CFAP61: variants seen among roughly 807,000 people sequenced by gnomAD.
CFAP61 encodes the protein cilia- and flagella-associated protein 61.
A neutral mutation model predicts 135.6 loss-of-function variants in CFAP61; 107 were observed. The observed-to-expected ratio is 0.79, with a 90% CI of 0.67 to 0.93. The LOEUF is 0.93. Ranked by LOEUF, CFAP61 falls within the 40% of genes least tolerant of loss-of-function variation. CFAP61 has a pLI of 0.00. For synonymous variants in CFAP61, 575 were observed against 578.5 expected (o/e 0.99, Z 0.09); for missense variants, 1,507 against 1,556.2 (o/e 0.97, Z 0.53).
intron 25 of CFAP61, among the ~76,000 whole-genome samples, chr20:20,327,206 C>A (rs1400860236): frequency 3.3e-5 from 5 of 151,986 alleles, no homozygotes; most frequent in African/African-American, 9.7e-5. Flanking sequence ...ATAACAGCAC[C>A]TTTTTTCTTT....
chr20:20,259,444 T>C (rs1418203150), intron 20 of CFAP61, among the ~76,000 whole-genome samples: 1 of 150,350 alleles, frequency 6.7e-6, no homozygotes, highest in Admixed American at 6.6e-5. Context: ...TTTTTTGTAT[T>C]TGTATTTGTA....
intron 18 of CFAP61, among the ~76,000 whole-genome samples, chr20:20,235,278 C>T (rs1484568183): frequency 1.3e-5 from 2 of 152,160 alleles, no homozygotes; most frequent in East Asian, 3.9e-4. Context: ...GACTCCCAAA[C>T]TCTCAGGAGC....
intron 8 of CFAP61, among the ~76,000 whole-genome samples, chr20:20,136,251 C>G (rs954864921): frequency 1.3e-5 from 2 of 151,884 alleles, no homozygotes; most frequent in Non-Finnish European, 2.9e-5. Flanking sequence ...GTTTATACTT[C>G]TTAGACTTGA....
intron 6 of CFAP61, among the ~76,000 whole-genome samples, chr20:20,077,826 A>T (rs923000829): frequency 2.4e-5 from 3 of 126,594 alleles, no homozygotes; most frequent in African/African-American, 1.7e-4. Context: ...GTGGAGACAG[A>T]GGTTCTTATT....
intron 17 of CFAP61, among the ~76,000 whole-genome samples, chr20:20,226,410 C>T (rs1281491184): frequency 1.3e-5 from 2 of 152,212 alleles, no homozygotes; most frequent in Admixed American, 6.5e-5. Flanking sequence ...CTAGATCAGC[C>T]TACTTCCAGC....
chr20:20,054,084 A>G (rs563952477), intron 1 of CFAP61, among the ~76,000 whole-genome samples: 7 of 140,898 alleles, frequency 5.0e-5, no homozygotes, highest in African/African-American at 1.6e-4. Flanking sequence ...GCTTTTGTAG[A>G]TATACCTTCA....
rs915517891 is a variant in CFAP61 at position 20,233,864 on chromosome 20, C to T, written c.2060+5488C>T. On this transcript the variant is annotated intron_variant, in intron 18 of 26. Coordinates refer to ENST00000245957, the MANE Select transcript of CFAP61 (RefSeq NM_015585.4). ...GCAATCCACTTTGAGCAACATTAGGCCTTTTCGACGGGGGAAGATCAGCTT... is the reference window on the plus strand; with the variant it reads ...GCAATCCACTTTGAGCAACATTAGGTCTTTTCGACGGGGGAAGATCAGCTT... Among the ~76,000 whole-genome samples, 6 of 152,162 alleles carry T rather than the reference C, an allele frequency of 3.9e-5. 1 individual carries two copies. The East Asian group carries it at 5.8e-4, about 15-fold the overall frequency.
At chr20:20,195,722 C>T (rs1041791393) in intron 15 of CFAP61, among the ~76,000 whole-genome samples, 4 of 152,172 alleles carry the variant, frequency 2.6e-5, no homozygotes, top group Admixed American at 2.6e-4. Flanking sequence ...TTAAGAAGTG[C>T]ACAGGGATAA....
At chr20:20,080,718 T>C (rs1464082110) in intron 6 of CFAP61, among the ~76,000 whole-genome samples, 1 of 152,192 alleles carries the variant, frequency 6.6e-6, no homozygotes, top group Non-Finnish European at 1.5e-5. Context: ...TAAAACTGTT[T>C]CCTGGCCGGG....
chr20:20,277,270 C>T lies in CFAP61; in HGVS notation c.2608C>T (p.Pro870Ser), dbSNP rs757505605. ...GSRIHLVQPP[P>S]ASTITCINNY... is the part of the protein sequence containing the mutation. ...CCGCATCCACCTCGTGCAGCCCCCG[C>T]CCGCCTCCACCATCACCTGCATCAA... is the stretch of plus-strand genomic sequence containing the variant. The change falls in exon 22 of 27, where the codon CCC becomes TCC. Residue 870 changes from proline (P) to serine (S), a missense_variant. Physicochemically the swap from Pro to Ser is moderately conservative, Grantham distance 74 (BLOSUM62 -1). Coordinates refer to ENST00000245957, the MANE Select transcript of CFAP61 (RefSeq NM_015585.4). 3.1e-6 allele frequency: 5 copies of T among 1,614,090 alleles called. No homozygotes were observed. Among genetic ancestry groups the T allele is most frequent in the Middle Eastern group, 1.6e-4 (1 of 6,062 alleles).
chr20:20,092,114 T>A (rs2047244426), intron 7 of CFAP61, among the ~76,000 whole-genome samples: 1 of 152,242 alleles, frequency 6.6e-6, no homozygotes, highest in Admixed American at 6.5e-5. Flanking sequence ...TCAGCCTTTT[T>A]AAATCTGGAA....
intron 2 of CFAP61, among the ~76,000 whole-genome samples, chr20:20,061,317 C>T (rs1314368029): frequency 6.6e-6 from 1 of 152,104 alleles, no homozygotes; most frequent in Non-Finnish European, 1.5e-5. Context: ...ATAAATTTTA[C>T]TATATCAGCA....
At chr20:20,088,893 T>A (rs184981474) in intron 6 of CFAP61, among the ~76,000 whole-genome samples, 1 of 152,234 alleles carries the variant, frequency 6.6e-6, no homozygotes, top group Non-Finnish European at 1.5e-5. Context: ...CCGTTACACT[T>A]GTGTCAGCAG....
chr20:20,336,057 G>A (rs2058176493), intron 25 of CFAP61, among the ~76,000 whole-genome samples: 1 of 152,206 alleles, frequency 6.6e-6, no homozygotes. Context: ...ATAATGCACA[G>A]AAATGGTGTG....
intron 2 of CFAP61, among the ~76,000 whole-genome samples, chr20:20,066,771 T>C (rs889913234): frequency 2.6e-5 from 4 of 152,114 alleles, no homozygotes; most frequent in African/African-American, 9.7e-5. Flanking sequence ...CGTGTATATG[T>C]AACAAACCTG....
chr20:20,054,059 C>G (rs972914052), intron 1 of CFAP61, among the ~76,000 whole-genome samples: 4 of 99,148 alleles, frequency 4.0e-5, no homozygotes, highest in Non-Finnish European at 6.3e-5. Context: ...ATCCTTCTTA[C>G]TTTTTGCCAT....
intron 19 of CFAP61, among the ~76,000 whole-genome samples, chr20:20,251,195 C>G (rs1213129199): frequency 6.6e-6 from 1 of 152,218 alleles, no homozygotes; most frequent in Non-Finnish European, 1.5e-5. Context: ...AACAATGTCA[C>G]TTTCTTCCTT....
chr20:20,321,713 C>T (rs894581454), intron 25 of CFAP61, among the ~76,000 whole-genome samples: 4 of 152,274 alleles, frequency 2.6e-5, no homozygotes, highest in South Asian at 4.1e-4. Flanking sequence ...TCCAGATGTA[C>T]GTTGGTCCCA....
intron 26 of CFAP61, among the ~76,000 whole-genome samples, chr20:20,352,732 C>T (rs2058887606): frequency 6.6e-6 from 1 of 152,148 alleles, no homozygotes; most frequent in South Asian, 2.1e-4. Flanking sequence ...AACTGTAAAA[C>T]TTCTAGAAGA....
Sources: gnomAD v4.1 joint callset for allele counts (sites outside exome capture counted in the v4.1 genomes callset) on GRCh38, gnomAD v4.1.1 for gene constraint, MANE v1.5 for transcripts, NCBI Gene and HGNC (gene_info 2026-07-23, HGNC 2026-07-21) for gene names.